Variants in ERBIN observed in about 807,000 individuals in gnomAD.
ERBIN encodes the protein erbb2 interacting protein.
Under a neutral mutation model 158.4 loss-of-function variants are expected in ERBIN, and 60 were observed. The ratio of observed to expected loss-of-function variants is 0.38; its 90% CI spans 0.31 to 0.47. The LOEUF is 0.47. Among genes scored for constraint, ERBIN ranks in the 20% least tolerant of loss-of-function variants. The pLI is 0.99. For missense variants in ERBIN, 1,610 were observed against 1,648.0 expected (o/e 0.98, Z 0.40); for synonymous variants, 594 against 557.2 (o/e 1.07, Z -0.93).
chr5:66,023,671 G>GC (rs1755931826), intron 9 of ERBIN, among the ~76,000 whole-genome samples: 1 of 145,768 alleles, frequency 6.9e-6, no homozygotes, highest in Non-Finnish European at 1.5e-5. Context: ...TGAACTTTCT[G>GC]AATTTTTTTT....
chr5:66,076,944 A>G lies in ERBIN; in HGVS notation c.4126A>G (p.Ile1376Val). The G allele has an allele frequency of 6.3e-7, 1 of 1,586,548 alleles. No homozygotes were observed. The highest frequency in any genetic ancestry group is 8.6e-7 in the Non-Finnish European group (1 of 1,158,718). ...SKLLQPGDKI[I>V]QANGYSFINI... Reference sequence around the variant, plus strand: ...ATTACTGCAGCCAGGTGATAAAATTATTCAGGTAATTAAAATAAATCTTTT... The same window carrying G: ...ATTACTGCAGCCAGGTGATAAAATTGTTCAGGTAATTAAAATAAATCTTTT... Residue 1376 changes from isoleucine (I) to valine (V), a missense_variant, in exon 25 of 26, where the codon ATT becomes GTT. Physicochemically the swap from Ile to Val is conservative, Grantham distance 29. Transcript: ENST00000284037.
chr5:65,995,591 A>C (rs1752345857), intron 4 of ERBIN, among the ~76,000 whole-genome samples: 1 of 152,022 alleles, frequency 6.6e-6, no homozygotes, highest in Non-Finnish European at 1.5e-5. Context: ...TGAACATGGG[A>C]GTGTAAATAT....
chr5:66,035,603 G>C (rs555473267), intron 14 of ERBIN, among the ~76,000 whole-genome samples: 6 of 152,248 alleles, frequency 3.9e-5, no homozygotes, highest in East Asian at 3.9e-4. Flanking sequence ...TCAGGTGACT[G>C]GTCCAAATTG....
intron 1 of ERBIN, among the ~76,000 whole-genome samples, chr5:65,949,721 TATTA>T (rs1239116392): frequency 4.6e-5 from 7 of 152,264 alleles, no homozygotes; most frequent in African/African-American, 7.2e-5. Context: ...GATAAAATAC[TATTA>T]ATTAAACTAC....
intron 1 of ERBIN, among the ~76,000 whole-genome samples, chr5:65,932,645 AT>A (rs548545679): frequency 2.6e-5 from 4 of 152,064 alleles, no homozygotes; most frequent in Admixed American, 6.5e-5. Context: ...CATTAATTAA[AT>A]TTTTTTTCTT....
chr5:65,938,893 C>A (rs1204227204), intron 1 of ERBIN, among the ~76,000 whole-genome samples: 1 of 152,124 alleles, frequency 6.6e-6, no homozygotes. Flanking sequence ...TGCTACTACT[C>A]TTCTGCCCCT....
At chr5:66,017,160 T>TG (rs1337081568) in intron 7 of ERBIN, among the ~76,000 whole-genome samples, 2 of 152,176 alleles carry the variant, frequency 1.3e-5, no homozygotes, top group Middle Eastern at 3.4e-3. Flanking sequence ...GACATAGGAG[T>TG]TCAGATAACC....
chr5:66,047,679 A>G (rs1424058066), intron 18 of ERBIN, among the ~76,000 whole-genome samples: 1 of 151,992 alleles, frequency 6.6e-6, no homozygotes, highest in Non-Finnish European at 1.5e-5. Flanking sequence ...CAAGCACACC[A>G]TCTCTTTTCC....
intron 21 of ERBIN, among the ~76,000 whole-genome samples, chr5:66,057,555 T>C (rs1759734001): frequency 6.7e-6 from 1 of 148,856 alleles, no homozygotes; most frequent in Non-Finnish European, 1.5e-5. Flanking sequence ...GATTAAGGCT[T>C]TTTTTATTAT....
At chr5:65,994,067 C>G (rs1482153705) in intron 3 of ERBIN, among the ~76,000 whole-genome samples, 2 of 152,016 alleles carry the variant, frequency 1.3e-5, no homozygotes, top group African/African-American at 4.8e-5. Context: ...CACTGCTATC[C>G]TAGGGGTCAT....
chr5:65,978,217 A>G (rs1580230373), intron 1 of ERBIN, among the ~76,000 whole-genome samples: 1 of 152,298 alleles, frequency 6.6e-6, no homozygotes, highest in East Asian at 1.9e-4. Context: ...ACCTTTTCCA[A>G]GTATTGCTAT....
rs1240475067 is a variant in ERBIN, at chr5:66,047,982, A to G, written c.1789-685A>G. Among the ~76,000 whole-genome samples, 6 of 151,926 alleles carry G rather than the reference A, an allele frequency of 3.9e-5. No individual in the cohort carries two copies. In the South Asian group the frequency reaches 1.0e-3, roughly 26 times the overall value. The stretch of plus-strand genomic sequence containing the variant: ...GTGTGTTAGAAATGTACTAAGTGTT[A>G]AAGAAATTTAGGAGGAAGATTTATG... On this transcript the variant is annotated intron_variant, in intron 18 of 25. Transcript: ENST00000284037.
In ERBIN at chr5:66,038,912, C is replaced by T. The variant is rs1348510207; in HGVS notation, c.1306+430C>T. 2.6e-5 allele frequency among the ~76,000 whole-genome samples: 4 copies of T among 151,968 alleles called. No homozygotes were observed. The South Asian group carries it at 8.3e-4, about 32-fold the overall frequency. ...CTTAAATTCTTTTCTTTATTTTGCCCGACAAGGGGGAGTATACCTTTTACT... is the reference window on the plus strand; with the variant it reads ...CTTAAATTCTTTTCTTTATTTTGCCTGACAAGGGGGAGTATACCTTTTACT... On this transcript the variant is annotated intron_variant, in intron 15 of 25. Transcript: ENST00000284037.
intron 25 of ERBIN, among the ~76,000 whole-genome samples, chr5:66,077,392 C>T (rs1762086889): frequency 6.6e-6 from 1 of 151,842 alleles, no homozygotes; most frequent in Admixed American, 6.6e-5. Context: ...GGAAGACAAA[C>T]CTAGGACACA....
intron 21 of ERBIN, among the ~76,000 whole-genome samples, chr5:66,067,309 C>G (rs1020215877): frequency 6.6e-6 from 1 of 152,142 alleles, no homozygotes; most frequent in African/African-American, 2.4e-5. Flanking sequence ...TGGCATTAGA[C>G]GTCAACTTCA....
intron 21 of ERBIN, chr5:66,055,238 G>A (rs1407865884): frequency 1.2e-5 from 5 of 431,540 alleles, no homozygotes; most frequent in Middle Eastern, 9.1e-4. Flanking sequence ...AAAAATACAC[G>A]TACCTCTGTT....
At chr5:65,998,920 T>A (rs368350775) in intron 4 of ERBIN, among the ~76,000 whole-genome samples, 1 of 142,818 alleles carries the variant, frequency 7.0e-6, no homozygotes, top group African/African-American at 2.6e-5. Context: ...AAAAAAAAAA[T>A]TATGCCCAAA....
At chr5:66,013,837 A>C (rs1049012160) in intron 6 of ERBIN, among the ~76,000 whole-genome samples, 199 bp downstream of exon 6, 1 of 152,152 alleles carries the variant, frequency 6.6e-6, no homozygotes, top group African/African-American at 2.4e-5. Context: ...AGAGTTTGAA[A>C]GAAAAAAAAA....
intron 2 of ERBIN, among the ~76,000 whole-genome samples, chr5:65,990,920 C>G (rs975527577): frequency 6.6e-6 from 1 of 151,910 alleles, no homozygotes. Context: ...GCCACCACGC[C>G]TGGCTAATTT....
Sources: allele counts gnomAD v4.1 joint callset (sites outside exome capture counted in the v4.1 genomes callset), GRCh38; gene constraint gnomAD v4.1.1; transcripts MANE v1.5; gene names NCBI Gene and HGNC (gene_info 2026-07-23, HGNC 2026-07-21).